The following RBM18 variants were observed in gnomAD, a reference collection of about 807,000 sequenced individuals.
The protein encoded by RBM18 is probable RNA-binding protein 18.
In RBM18, 18 loss-of-function variants were observed where a neutral mutation model predicts 26.4. The ratio of observed to expected loss-of-function variants is 0.68; its 90% CI spans 0.47 to 1.01. The LOEUF (loss-of-function observed/expected upper bound fraction) is 1.01, where lower values mean the gene tolerates loss of function less well. Among genes scored for constraint, RBM18 ranks in the 50% least tolerant of loss-of-function variants. RBM18 has a pLI of 0.00. For missense variants in RBM18, 180 were observed against 219.2 expected, an observed-to-expected ratio of 0.82 and a Z score of 1.13; for synonymous variants, 74 against 81.1, an observed-to-expected ratio of 0.91 and a Z score of 0.47.
chr9:122,247,639 T>C (rs1188727885), intron 3 of RBM18, 35 bp from the exon 4 acceptor site: 1 of 1,531,962 alleles, frequency 6.5e-7, no homozygotes, highest in South Asian at 1.1e-5. Flanking sequence ...AGTTAAAAAC[T>C]GAAATGCTTA....
intron 4 of RBM18, 113 bp downstream of exon 4, chr9:122,247,405 T>A (rs1831521246): frequency 2.3e-6 from 2 of 851,066 alleles, no homozygotes; most frequent in Non-Finnish European, 3.9e-6. Flanking sequence ...GAGACTGAAG[T>A]ATGGCTGTTT....
chr9:122,245,582 G>A (rs1831492363), intron 4 of RBM18, among the ~76,000 whole-genome samples: 1 of 152,178 alleles, frequency 6.6e-6, no homozygotes, highest in Non-Finnish European at 1.5e-5. Flanking sequence ...GGAAAAAAAT[G>A]TCAACTTTCA....
Position 122,261,470 on chromosome 9 carries a change from A to G in RBM18, c.23T>C (p.Leu8Pro), listed in dbSNP as rs1204689356. 6.2e-7 allele frequency: 1 copy of G among 1,613,908 alleles called. No individual in the cohort carries two copies. The highest frequency in any genetic ancestry group is 8.5e-7 in the Non-Finnish European group (1 of 1,179,874). The stretch of plus-strand genomic sequence containing the variant: ...AAGGATGGATGCATTCTCCAGGGGA[A>G]GAGTTTTGGTTTCTGCTTCCATCAA... MEAETKT[L>P]PLENASILSE... Residue 8 changes from leucine (L) to proline (P), a missense_variant, in exon 2 of 6, where the codon CTT (leucine) becomes CCT (proline). Coordinates refer to ENST00000417201, the MANE Select transcript of RBM18 (RefSeq NM_033117.4).
chr9:122,253,780 C>G (rs1831643075), intron 2 of RBM18, among the ~76,000 whole-genome samples: 1 of 150,234 alleles, frequency 6.7e-6, no homozygotes, highest in Non-Finnish European at 1.5e-5. Flanking sequence ...AATCTCAGCA[C>G]TTTGGGAGGC....
At position 122,264,761 on chromosome 9, in the gene RBM18, T is replaced by A. The variant is rs1831936926; in HGVS notation, c.-63A>T. The A allele has an allele frequency of 6.6e-6, 1 of 152,170 alleles. No homozygotes were observed. Among genetic ancestry groups the A allele is most frequent in the Admixed American group, 6.5e-5 (1 of 15,274 alleles). 9.4% of individuals were successfully genotyped at this position (152,170 alleles called of 1,614,324 possible). Reference sequence around the variant, plus strand: ...TCTCAGCTCATGCCCGGAAACCAGGTCCCGACGCCGCGGTCAGACGGACCT... The same window carrying A: ...TCTCAGCTCATGCCCGGAAACCAGGACCCGACGCCGCGGTCAGACGGACCT... On this transcript the variant is annotated 5_prime_UTR_variant, in exon 1 of 6. Transcript: ENST00000417201.
chr9:122,259,734 C>T (rs2118975074), intron 2 of RBM18, among the ~76,000 whole-genome samples: 1 of 152,316 alleles, frequency 6.6e-6, no homozygotes, highest in East Asian at 1.9e-4. Flanking sequence ...TCACCTTTCG[C>T]CCAGGCTGGA....
Position 122,256,417 on chromosome 9 carries a change from T to C in RBM18, c.114-4444A>G, listed in dbSNP as rs899618955. Reference sequence around the variant, plus strand: ...ATGCATAATACAGCGGCTACGACTTTGGCATTTTACACAGCACATCTAATA... The same window carrying C: ...ATGCATAATACAGCGGCTACGACTTCGGCATTTTACACAGCACATCTAATA... On this transcript the variant is annotated intron_variant, in intron 2 of 5. Transcript: ENST00000417201. Among the ~76,000 whole-genome samples, 3 of 152,220 alleles carry C rather than the reference T, an allele frequency of 2.0e-5. No individual in the cohort carries two copies. In the East Asian group the frequency reaches 5.8e-4, roughly 29 times the overall value.
At chr9:122,243,732 C>T in intron 5 of RBM18, 1 of 985,352 alleles carries the variant, frequency 1.0e-6, no homozygotes, top group Middle Eastern at 5.2e-4. Flanking sequence ...AAAAAGAACA[C>T]TGATATATTA....
chr9:122,248,681 C>G (rs1201368766), intron 3 of RBM18, among the ~76,000 whole-genome samples: 1 of 152,230 alleles, frequency 6.6e-6, no homozygotes, highest in Non-Finnish European at 1.5e-5. Context: ...TCCCAGGAAA[C>G]CTGGCTGTAC....
rs896277003 is a variant in RBM18, at chr9:122,240,744, A to C, written c.*1140T>G. ...ATTCAGGATGCTTAGAGTGACAAAC[A>C]TATCTAGAGGCAAGTATGTTCTCCA... On this transcript the variant is annotated 3_prime_UTR_variant, in exon 6 of 6. Coordinates refer to ENST00000417201, the MANE Select transcript of RBM18 (RefSeq NM_033117.4). 1 of 152,218 alleles carries C rather than the reference A, an allele frequency of 6.6e-6. No individual in the cohort carries two copies. The highest frequency in any genetic ancestry group is 6.5e-5 in the Admixed American group (1 of 15,286). The allele number at this position is 152,218 out of a possible 1,614,324, so 9.4% of individuals were successfully genotyped here. A position where few individuals can be genotyped will look rare whatever the true frequency, so the allele number is the denominator to read the frequency against.
chr9:122,256,785 T>C (rs1831704109), intron 2 of RBM18, among the ~76,000 whole-genome samples: 1 of 152,190 alleles, frequency 6.6e-6, no homozygotes, highest in South Asian at 2.1e-4. Flanking sequence ...GAAAATAATA[T>C]CTGTTCCACT....
chr9:122,261,427 CT>C lies in RBM18; in HGVS notation c.65del (p.Gln22ArgfsTer30), dbSNP rs1350443397. 1 of 1,614,180 alleles carries C rather than the reference CT, an allele frequency of 6.2e-7. No homozygotes were observed. Among genetic ancestry groups the C allele is most frequent in the East Asian group, 2.2e-5 (1 of 44,874 alleles). Reference sequence around the variant, plus strand: ...TGCCAATCCATAATCGGTGTCCTTCCTGCAGAGAGCCCTCTGAAAGGATGGA... The same window carrying C: ...TGCCAATCCATAATCGGTGTCCTTCCGCAGAGAGCCCTCTGAAAGGATGGA... ...NASILSEGSL[Q>X]EGHRLWIGNL... is the part of the protein sequence containing the mutation. On this transcript the variant is annotated frameshift_variant, in exon 2 of 6. Coordinates refer to ENST00000417201, the MANE Select transcript of RBM18 (RefSeq NM_033117.4). LOFTEE classifies it high-confidence loss of function.
rs1473799411 is a variant in RBM18, at chr9:122,238,414, T to C, written c.*3470A>G. 1 of 152,228 alleles carries C rather than the reference T, an allele frequency of 6.6e-6. No homozygotes were observed. Among genetic ancestry groups the C allele is most frequent in the Non-Finnish European group, 1.5e-5 (1 of 68,044 alleles). 9.4% of individuals were successfully genotyped at this position (152,228 alleles called of 1,614,324 possible). On this transcript the variant is annotated 3_prime_UTR_variant, in exon 6 of 6. Transcript: ENST00000417201. Reference sequence around the variant, plus strand: ...GGATTGGAGAGTGACAGGTTGTAATTTTAAGAGGGAGGCCGGGGACTGCCT... The same window carrying C: ...GGATTGGAGAGTGACAGGTTGTAATCTTAAGAGGGAGGCCGGGGACTGCCT...
intron 2 of RBM18, among the ~76,000 whole-genome samples, chr9:122,252,200 A>G (rs1831615937): frequency 1.3e-5 from 2 of 152,238 alleles, no homozygotes; most frequent in Admixed American, 1.3e-4. Context: ...GTCCAACACA[A>G]AAATACCAAA....
intron 4 of RBM18, among the ~76,000 whole-genome samples, chr9:122,246,986 G>A (rs1394783045): frequency 6.6e-6 from 1 of 152,092 alleles, no homozygotes; most frequent in Admixed American, 6.5e-5. Flanking sequence ...AGGGCAGCCT[G>A]CTACTTCTCA....
At chr9:122,264,238 C>A (rs1275396068) in intron 1 of RBM18, among the ~76,000 whole-genome samples, 1 of 152,110 alleles carries the variant, frequency 6.6e-6, no homozygotes, top group Non-Finnish European at 1.5e-5. Flanking sequence ...CTCACGAGGT[C>A]GTTGTGAGTC....
chr9:122,246,719 G>A (rs563602027), intron 4 of RBM18, among the ~76,000 whole-genome samples: 5 of 152,012 alleles, frequency 3.3e-5, no homozygotes, highest in Non-Finnish European at 7.4e-5. Flanking sequence ...TTGGGGAGTG[G>A]GGTAGAGAGC....
chr9:122,261,443 GA>G lies in RBM18; in HGVS notation c.49del (p.Ser17GlnfsTer35). On this transcript the variant is annotated frameshift_variant, in exon 2 of 6. Transcript: ENST00000417201. LOFTEE classifies it high-confidence loss of function. ...GTGTCCTTCCTGCAGAGAGCCCTCT[GA>G]AAGGATGGATGCATTCTCCAGGGGA... is the stretch of plus-strand genomic sequence containing the variant. ...TLPLENASIL[S>X]EGSLQEGHRL... The G allele has an allele frequency of 6.2e-7, 1 of 1,614,184 alleles. No individual in the cohort carries two copies. The highest frequency in any genetic ancestry group is 8.5e-7 in the Non-Finnish European group (1 of 1,180,014).
At position 122,257,388 on chromosome 9, in the gene RBM18, C is replaced by T. The variant is rs189228839; in HGVS notation, c.113+3992G>A. Among the ~76,000 whole-genome samples the T allele has an allele frequency of 8.3e-3, 1,269 of 152,264 alleles. 11 individuals are homozygous for T. Among genetic ancestry groups the T allele is most frequent in the Non-Finnish European group, 9.9e-3 (674 of 68,024 alleles). On this transcript the variant is annotated intron_variant, in intron 2 of 5. Transcript: ENST00000417201. ...GTCTCGATCTCCTGACCTCGTGATC[C>T]GCCCGCCTCTGCCTCCCAAAGTGCT...
Sources: allele counts gnomAD v4.1 joint callset (sites outside exome capture counted in the v4.1 genomes callset), GRCh38; gene constraint gnomAD v4.1.1; transcripts MANE v1.5; gene names NCBI Gene and HGNC (gene_info 2026-07-23, HGNC 2026-07-21).